ULK4: variants seen among roughly 807,000 people sequenced by gnomAD.
The protein encoded by ULK4 is inactive serine/threonine-protein kinase ULK4.
A neutral mutation model predicts 160.6 loss-of-function variants in ULK4; 133 were observed. That is an observed-to-expected ratio of 0.83 (90% CI 0.72 to 0.96). ULK4 has a LOEUF of 0.96. Ranked by LOEUF, ULK4 falls within the 40% of genes least tolerant of loss-of-function variation. The pLI is 0.00. For missense variants in ULK4, 1,580 were observed against 1,499.5 expected (o/e 1.05, Z -0.89); for synonymous variants, 534 against 539.8 (o/e 0.99, Z 0.15).
At chr3:41,288,914 T>G (rs745532414) in intron 35 of ULK4, among the ~76,000 whole-genome samples, 1 of 152,124 alleles carries the variant, frequency 6.6e-6, no homozygotes, top group Non-Finnish European at 1.5e-5. Context: ...TGGTACATCT[T>G]TGGGCCTCAC....
At chr3:41,698,636 T>G (rs1379077376) in intron 27 of ULK4, among the ~76,000 whole-genome samples, 1 of 152,210 alleles carries the variant, frequency 6.6e-6, no homozygotes, top group Non-Finnish European at 1.5e-5. Flanking sequence ...TAGGCTTACC[T>G]TTACCAAGTT....
intron 31 of ULK4, among the ~76,000 whole-genome samples, chr3:41,578,620 G>A (rs1422991755): frequency 1.3e-5 from 2 of 152,216 alleles, no homozygotes. Context: ...AAAGTGAGCA[G>A]TATTAATGTA....
In ULK4 at chr3:41,830,968, T is replaced by C. The variant is rs115919840; in HGVS notation, c.1764+4896A>G. ...CGAGGAAAAGTGCCTTTCACAAAACTTGGCACATAATGTACATCGCACAGG... is the reference window on the plus strand; with the variant it reads ...CGAGGAAAAGTGCCTTTCACAAAACCTGGCACATAATGTACATCGCACAGG... On this transcript the variant is annotated intron_variant, in intron 18 of 36. Coordinates refer to ENST00000301831, the MANE Select transcript of ULK4 (RefSeq NM_017886.4). Among the ~76,000 whole-genome samples, 899 of 152,076 alleles carry C rather than the reference T, an allele frequency of 5.9e-3. 11 individuals are homozygous for C. Among genetic ancestry groups the C allele is most frequent in the African/African-American group, 0.02 (848 of 41,464 alleles).
chr3:41,681,864 C>T, intron 27 of ULK4, 60 bp from the exon 28 acceptor site: 1 of 1,577,498 alleles, frequency 6.3e-7, no homozygotes, highest in South Asian at 1.1e-5. Context: ...ATATCAACCA[C>T]TATCTATATT....
rs2032902369 is a variant in ULK4, at chr3:41,615,184, C to A, written c.3120+485G>T. Among the ~76,000 whole-genome samples, 3 of 152,082 alleles carry A rather than the reference C, an allele frequency of 2.0e-5. No individual in the cohort carries two copies. The South Asian group carries it at 6.2e-4, about 32-fold the overall frequency. On this transcript the variant is annotated intron_variant, in intron 31 of 36. Coordinates refer to ENST00000301831, the MANE Select transcript of ULK4 (RefSeq NM_017886.4). Reference sequence around the variant, plus strand: ...AGATGGTTTTAAATTAAATTGTATTCTGTGAACAGAAAAATGGTGTATGGA... The same window carrying A: ...AGATGGTTTTAAATTAAATTGTATTATGTGAACAGAAAAATGGTGTATGGA...
chr3:41,607,730 T>C (rs74484157), intron 31 of ULK4, among the ~76,000 whole-genome samples: 339 of 152,248 alleles, frequency 2.2e-3, no homozygotes, highest in African/African-American at 7.5e-3. Flanking sequence ...GCTAAACAAA[T>C]TCTACTAAAT....
chr3:41,760,433 A>G (rs2038949439), intron 21 of ULK4, among the ~76,000 whole-genome samples: 1 of 152,194 alleles, frequency 6.6e-6, no homozygotes, highest in Non-Finnish European at 1.5e-5. Flanking sequence ...TAAAAACTTA[A>G]GTTCACAGAA....
At chr3:41,937,592 C>G (rs1699821345) in intron 3 of ULK4, among the ~76,000 whole-genome samples, 1 of 150,900 alleles carries the variant, frequency 6.6e-6, no homozygotes, top group South Asian at 2.1e-4. Context: ...AAACTAAAAG[C>G]CCAGATAATA....
At chr3:41,595,761 T>C (rs899592144) in intron 31 of ULK4, among the ~76,000 whole-genome samples, 20 of 152,282 alleles carry the variant, frequency 1.3e-4, no homozygotes, top group Non-Finnish European at 1.9e-4. Context: ...GCCAATGTGA[T>C]AGTCATTGGT....
At chr3:41,283,587 T>C (rs752274170) in intron 35 of ULK4, among the ~76,000 whole-genome samples, 28 of 152,030 alleles carry the variant, frequency 1.8e-4, no homozygotes, top group Admixed American at 1.0e-3. Context: ...TAGGTGGGAA[T>C]TGAACAATGA....
rs371671274 is a variant in ULK4 at position 41,663,637 on chromosome 3, G to A, written c.3041C>T (p.Ala1014Val). ...VPAYALKLLV[A>V]MTEHNPTFTR... ...GAAAGTTGGGTTGTGTTCAGTCATC[G>A]CGACTAGCAGTTTCAGAGCATATGC... The change falls in exon 30 of 37, where the codon GCG becomes GTG. Residue 1014 changes from alanine to valine, a missense_variant. Transcript: ENST00000301831. 10 of 1,613,786 alleles carry A rather than the reference G, an allele frequency of 6.2e-6. No individual in the cohort carries two copies. The highest frequency in any genetic ancestry group is 2.7e-5 in the African/African-American group (2 of 74,916).
intron 31 of ULK4, among the ~76,000 whole-genome samples, chr3:41,613,210 T>C (rs562058630): frequency 5.5e-4 from 84 of 152,288 alleles, no homozygotes; most frequent in Middle Eastern, 3.4e-3. Context: ...CCTTGAAACC[T>C]GAAATCTATC....
At chr3:41,644,408 G>T (rs1316092716) in intron 30 of ULK4, among the ~76,000 whole-genome samples, 1 of 152,086 alleles carries the variant, frequency 6.6e-6, no homozygotes, top group Non-Finnish European at 1.5e-5. Flanking sequence ...ATGAAGGGTT[G>T]TTGAATTTTG....
chr3:41,305,655 TGA>T (rs2079896528), intron 35 of ULK4, among the ~76,000 whole-genome samples: 1 of 151,794 alleles, frequency 6.6e-6, no homozygotes, highest in Non-Finnish European at 1.5e-5. Context: ...GTCTGGGAAG[TGA>T]GGAGCGTCTC....
intron 34 of ULK4, among the ~76,000 whole-genome samples, chr3:41,407,947 C>A (rs1020651067): frequency 5.3e-5 from 8 of 151,874 alleles, no homozygotes; most frequent in African/African-American, 1.2e-4. Context: ...CCTAAGGAAC[C>A]CTTTAAAGAA....
intron 35 of ULK4, among the ~76,000 whole-genome samples, chr3:41,397,779 C>G (rs139326232): frequency 1.3e-3 from 202 of 152,204 alleles, no homozygotes; most frequent in African/African-American, 4.3e-3. Context: ...ATTTTGATTA[C>G]TTAAGTAACA....
chr3:41,809,458 A>T (rs897617523), intron 19 of ULK4, among the ~76,000 whole-genome samples: 4 of 152,214 alleles, frequency 2.6e-5, no homozygotes, highest in African/African-American at 9.6e-5. Flanking sequence ...AGTATTTCAG[A>T]TGTTAATTTT....
In ULK4 at chr3:41,910,595, C is replaced by CA. The variant is rs201203432; in HGVS notation, c.1085+721dup. On this transcript the variant is annotated intron_variant, in intron 11 of 36. Transcript: ENST00000301831. Reference sequence around the variant, plus strand: ...TGGACAACAGAACAAGACTCCATCTCAAAAAAATAAAATAAAAATAAATGA... The same window carrying CA: ...TGGACAACAGAACAAGACTCCATCTCAAAAAAAATAAAATAAAAATAAATGA... Among the ~76,000 whole-genome samples the CA allele has an allele frequency of 6.9e-3, 999 of 144,720 alleles. 9 individuals carry two copies. Among genetic ancestry groups the CA allele is most frequent in the African/African-American group, 0.024 (965 of 40,410 alleles). 94.9% of individuals were successfully genotyped at this position (144,720 alleles called of 152,430 possible).
chr3:41,532,934 G>A (rs2086371388), intron 32 of ULK4, among the ~76,000 whole-genome samples: 1 of 152,092 alleles, frequency 6.6e-6, no homozygotes, highest in Non-Finnish European at 1.5e-5. Context: ...AACCAATATG[G>A]CTTAGTGATT....
Sources: allele counts gnomAD v4.1 joint callset (sites outside exome capture counted in the v4.1 genomes callset), GRCh38; gene constraint gnomAD v4.1.1; transcripts MANE v1.5; gene names NCBI Gene and HGNC (gene_info 2026-07-23, HGNC 2026-07-21).